SLC24A3: variants seen among roughly 807,000 people sequenced by gnomAD.
SLC24A3 encodes the protein solute carrier family 24 member 3, also known as sodium/potassium/calcium exchanger 3.
SLC24A3 carries 28 observed loss-of-function variants against 75.8 expected under a neutral mutation model. The observed-to-expected ratio is 0.37, with a 90% CI of 0.27 to 0.51. SLC24A3 has a LOEUF of 0.51. SLC24A3 is among the 20% of genes least tolerant of loss of function. The pLI, the probability that SLC24A3 is intolerant of heterozygous loss-of-function variation, is 0.94. For synonymous variants in SLC24A3, 372 were observed against 334.1 expected (o/e 1.11, Z -1.24); for missense variants, 663 against 847.8 (o/e 0.78, Z 2.71).
intron 2 of SLC24A3, among the ~76,000 whole-genome samples, chr20:19,440,213 C>T (rs930264330): frequency 6.6e-6 from 1 of 152,180 alleles, no homozygotes; most frequent in African/African-American, 2.4e-5. Context: ...GCACCACAGC[C>T]TGTACTTCAC....
intron 2 of SLC24A3, among the ~76,000 whole-genome samples, chr20:19,373,030 T>TAAAG (rs1568602300): frequency 6.7e-6 from 1 of 150,368 alleles, no homozygotes; most frequent in African/African-American, 2.5e-5. Flanking sequence ...AAAAGAGAAA[T>TAAAG]AAAGAAAGAA....
At chr20:19,363,713 A>G (rs894692567) in intron 2 of SLC24A3, among the ~76,000 whole-genome samples, 1 of 152,216 alleles carries the variant, frequency 6.6e-6, no homozygotes, top group African/African-American at 2.4e-5. Flanking sequence ...GAGAACTACA[A>G]CAGACTGTTT....
At chr20:19,468,161 A>G (rs1331989206) in intron 2 of SLC24A3, among the ~76,000 whole-genome samples, 2 of 152,174 alleles carry the variant, frequency 1.3e-5, no homozygotes, top group African/African-American at 4.8e-5. Flanking sequence ...AAGCTTTTTC[A>G]ATTTTGTCTT....
At chr20:19,407,144 T>C (rs1162672912) in intron 2 of SLC24A3, among the ~76,000 whole-genome samples, 2 of 152,196 alleles carry the variant, frequency 1.3e-5, no homozygotes, top group Non-Finnish European at 2.9e-5. Flanking sequence ...GGGATCTTGT[T>C]GGATGCATTA....
In SLC24A3 at chr20:19,665,792, C is replaced by CGTGTGTGT. The variant is rs58371474; in HGVS notation, c.688-39_688-32dup. On this transcript the variant is annotated intron_variant, in intron 7 of 16. Coordinates refer to ENST00000328041, the MANE Select transcript of SLC24A3 (RefSeq NM_020689.4). ...GTGGATACTGCGTGCAGCCTTAAAG[C>CGTGTGTGT]GTGTGTGTGTGTGTGTGTGTGTGTG... The CGTGTGTGT allele has an allele frequency of 4.0e-3, 4,779 of 1,202,410 alleles. 46 individuals carry two copies. Among genetic ancestry groups the CGTGTGTGT allele is most frequent in the African/African-American group, 0.036 (2,168 of 60,278 alleles). 74.5% of individuals were successfully genotyped at this position (1,202,410 alleles called of 1,614,324 possible). A position where few individuals can be genotyped will look rare whatever the true frequency, so the allele number is the denominator to read the frequency against.
At chr20:19,280,305 G>A (rs980017615) in intron 1 of SLC24A3, among the ~76,000 whole-genome samples, 1 of 152,180 alleles carries the variant, frequency 6.6e-6, no homozygotes, top group Non-Finnish European at 1.5e-5. Flanking sequence ...AAAACATGCT[G>A]TGTGGCACTC....
At chr20:19,314,880 G>T (rs1984547798) in intron 2 of SLC24A3, among the ~76,000 whole-genome samples, 1 of 152,256 alleles carries the variant, frequency 6.6e-6, no homozygotes, top group Admixed American at 6.5e-5. Flanking sequence ...TGACGTTTCA[G>T]ATGTGTGATT....
At chr20:19,236,578 C>T (rs751295914) in intron 1 of SLC24A3, among the ~76,000 whole-genome samples, 161 of 151,890 alleles carry the variant, frequency 1.1e-3, no homozygotes, top group Non-Finnish European at 1.9e-3. Flanking sequence ...ATAGCAAGAC[C>T]GCAACTCTGC....
At chr20:19,379,929 T>C (rs1986153281) in intron 2 of SLC24A3, among the ~76,000 whole-genome samples, 1 of 152,238 alleles carries the variant, frequency 6.6e-6, no homozygotes, top group African/African-American at 2.4e-5. Context: ...TAGCATTGTC[T>C]ATGCATTCAT....
chr20:19,608,348 A>G (rs2031625739), intron 6 of SLC24A3, among the ~76,000 whole-genome samples: 1 of 152,264 alleles, frequency 6.6e-6, no homozygotes, highest in Non-Finnish European at 1.5e-5. Flanking sequence ...AGATTTAAAT[A>G]CATATTAAAG....
At chr20:19,360,587 T>C (rs1312723111) in intron 2 of SLC24A3, among the ~76,000 whole-genome samples, 1 of 152,204 alleles carries the variant, frequency 6.6e-6, no homozygotes, top group Non-Finnish European at 1.5e-5. Context: ...ACCTCAAAGC[T>C]TCAATATGTA....
At chr20:19,520,660 C>G (rs1350917258) in intron 3 of SLC24A3, among the ~76,000 whole-genome samples, 1 of 152,178 alleles carries the variant, frequency 6.6e-6, no homozygotes, top group Admixed American at 6.5e-5. Flanking sequence ...CCATTAACAT[C>G]ACTCCTTTTG....
intron 1 of SLC24A3, among the ~76,000 whole-genome samples, chr20:19,235,172 T>A (rs1374647315): frequency 1.3e-5 from 2 of 152,196 alleles, no homozygotes; most frequent in African/African-American, 4.8e-5. Flanking sequence ...GATGTCTGCT[T>A]TTGTTTGAGT....
intron 2 of SLC24A3, among the ~76,000 whole-genome samples, chr20:19,382,393 A>G (rs775981016): frequency 1.3e-4 from 19 of 151,892 alleles, no homozygotes; most frequent in Non-Finnish European, 2.6e-4. Flanking sequence ...CTGCAGTGGG[A>G]GGAAGAAAAA....
At chr20:19,687,824 C>T (rs1356791004) in intron 12 of SLC24A3, among the ~76,000 whole-genome samples, 1 of 152,108 alleles carries the variant, frequency 6.6e-6, no homozygotes, top group African/African-American at 2.4e-5. Context: ...CTTTGAAACT[C>T]GTGCTCGCCA....
chr20:19,586,642 T>C (rs895871705), intron 6 of SLC24A3, among the ~76,000 whole-genome samples: 6 of 152,296 alleles, frequency 3.9e-5, no homozygotes, highest in African/African-American at 1.2e-4. Context: ...GGGTCCACCA[T>C]TGCATTCTCC....
At chr20:19,591,080 T>C (rs2031369962) in intron 6 of SLC24A3, among the ~76,000 whole-genome samples, 1 of 151,748 alleles carries the variant, frequency 6.6e-6, no homozygotes, top group African/African-American at 2.4e-5. Context: ...GCCCCACACC[T>C]GATCTCCCCC....
In SLC24A3 at chr20:19,722,049, G is replaced by C. The variant is rs1188104990; in HGVS notation, c.*909G>C. The C allele has an allele frequency of 6.5e-6, 1 of 152,686 alleles. No homozygotes were observed. The highest frequency in any genetic ancestry group is 1.5e-5 in the Non-Finnish European group (1 of 68,116). 9.5% of individuals were successfully genotyped at this position (152,686 alleles called of 1,614,324 possible). A position where few individuals can be genotyped will look rare whatever the true frequency, so the allele number is the denominator to read the frequency against. On this transcript the variant is annotated 3_prime_UTR_variant, in exon 17 of 17. Transcript: ENST00000328041. ...AGTTAAACAAACTACCCATCCATGAGCTGCCAGGCAGTCAAAAACAGAAGC... is the reference window on the plus strand; with the variant it reads ...AGTTAAACAAACTACCCATCCATGACCTGCCAGGCAGTCAAAAACAGAAGC...
At chr20:19,458,175 C>A (rs560589470) in intron 2 of SLC24A3, among the ~76,000 whole-genome samples, 1 of 152,150 alleles carries the variant, frequency 6.6e-6, no homozygotes, top group East Asian at 1.9e-4. Flanking sequence ...CAAGCTCCCC[C>A]CTCACATGCA....
Sources: gnomAD v4.1 joint callset for allele counts (sites outside exome capture counted in the v4.1 genomes callset) on GRCh38, gnomAD v4.1.1 for gene constraint, MANE v1.5 for transcripts, NCBI Gene and HGNC (gene_info 2026-07-23, HGNC 2026-07-21) for gene names.